Variants in SUPT3H observed in about 807,000 individuals in gnomAD.
The protein encoded by SUPT3H is SPT3 homolog, SAGA and STAGA complex component, also known as transcription initiation protein SPT3 homolog.
A neutral mutation model predicts 44.3 loss-of-function variants in SUPT3H; 44 were observed. The ratio of observed to expected loss-of-function variants is 0.99; its 90% CI spans 0.78 to 1.28. The LOEUF (loss-of-function observed/expected upper bound fraction) is 1.28. Among genes scored for constraint, SUPT3H ranks in the 50% most tolerant of loss-of-function variants. SUPT3H has a pLI of 0.00. For missense variants in SUPT3H, 380 were observed against 387.1 expected (o/e 0.98, Z 0.15); for synonymous variants, 124 against 125.6 (o/e 0.99, Z 0.09).
At position 45,324,898 on chromosome 6, in the gene SUPT3H, C is replaced by A. The variant is rs75040589; in HGVS notation, c.101+40303G>T. 0.013 allele frequency among the ~76,000 whole-genome samples: 2,024 copies of A among 151,910 alleles called. 101 individuals are homozygous for A. The East Asian group carries it at 0.13, about 10-fold the overall frequency. ...ATGCAGTTGTGTACATAAACATATACCCCATTAAACAAGGAAATGGAATAC... is the reference window on the plus strand; with the variant it reads ...ATGCAGTTGTGTACATAAACATATAACCCATTAAACAAGGAAATGGAATAC... On this transcript the variant is annotated intron_variant, in intron 2 of 10. Coordinates refer to ENST00000371459, the MANE Select transcript of SUPT3H (RefSeq NM_003599.4).
chr6:45,346,053 C>T (rs971961449), intron 2 of SUPT3H, among the ~76,000 whole-genome samples: 5 of 152,098 alleles, frequency 3.3e-5, no homozygotes, highest in African/African-American at 4.8e-5. Context: ...AAATCTCAAA[C>T]GACACTATTT....
intron 2 of SUPT3H, among the ~76,000 whole-genome samples, chr6:45,116,206 C>T (rs1287771859): frequency 6.6e-6 from 1 of 152,090 alleles, no homozygotes; most frequent in Non-Finnish European, 1.5e-5. Flanking sequence ...ACTAGTCAGC[C>T]TAGCCTCCCT....
At chr6:45,373,536 A>C (rs1436450388) in intron 1 of SUPT3H, among the ~76,000 whole-genome samples, 1 of 151,962 alleles carries the variant, frequency 6.6e-6, no homozygotes, top group South Asian at 2.1e-4. Flanking sequence ...CTGTGACTTA[A>C]AATATTATTT....
intron 2 of SUPT3H, among the ~76,000 whole-genome samples, chr6:45,114,374 G>GGA (rs1554253468): frequency 6.6e-6 from 1 of 151,804 alleles, no homozygotes; most frequent in African/African-American, 2.4e-5. Context: ...AAAGATGAGA[G>GGA]AAAAAAACTT....
chr6:45,023,838 A>G (rs1350524797), intron 3 of SUPT3H, among the ~76,000 whole-genome samples: 2 of 152,152 alleles, frequency 1.3e-5, no homozygotes, highest in Non-Finnish European at 2.9e-5. Context: ...AATAATCTGT[A>G]TAACAAACCC....
At chr6:45,169,663 T>A (rs1017857494) in intron 2 of SUPT3H, among the ~76,000 whole-genome samples, 3 of 152,166 alleles carry the variant, frequency 2.0e-5, no homozygotes, top group African/African-American at 7.2e-5. Context: ...CTGGAGAAAT[T>A]TGTGGAAAAG....
At chr6:45,227,270 GA>G (rs1341636749) in intron 2 of SUPT3H, among the ~76,000 whole-genome samples, 1 of 151,550 alleles carries the variant, frequency 6.6e-6, no homozygotes, top group African/African-American at 2.4e-5. Context: ...AAATAATTAT[GA>G]AAAATTATTT....
intron 2 of SUPT3H, chr6:45,328,639 TG>T: frequency 6.2e-7 from 1 of 1,610,346 alleles, no homozygotes; most frequent in Non-Finnish European, 8.5e-7. Context: ...AAACAAGGTT[TG>T]GGTATGGTTT....
intron 3 of SUPT3H, among the ~76,000 whole-genome samples, chr6:45,051,584 C>G (rs1190799901): frequency 6.6e-6 from 1 of 151,584 alleles, no homozygotes. Context: ...GTATTAACAA[C>G]TCATTAAAAC....
Position 44,826,915 on chromosome 6 carries a change from C to G in SUPT3H, c.*2901G>C, listed in dbSNP as rs1017280654. Reference sequence around the variant, plus strand: ...TTCTGATGGTTTTCAAATAAAAAGTCTTGGTTTTAAAATTGAAACAGTATT... The same window carrying G: ...TTCTGATGGTTTTCAAATAAAAAGTGTTGGTTTTAAAATTGAAACAGTATT... On this transcript the variant is annotated 3_prime_UTR_variant, in exon 11 of 11. Coordinates refer to ENST00000371459, the MANE Select transcript of SUPT3H (RefSeq NM_003599.4). Among the ~76,000 whole-genome samples the G allele has an allele frequency of 6.6e-6, 1 of 152,106 alleles. No homozygotes were observed. The highest frequency in any genetic ancestry group is 2.1e-4 in the South Asian group (1 of 4,830).
chr6:44,847,006 T>C (rs1197941515), intron 10 of SUPT3H, among the ~76,000 whole-genome samples: 2 of 152,244 alleles, frequency 1.3e-5, no homozygotes, highest in Admixed American at 6.5e-5. Context: ...CGTTTGACTT[T>C]CTTGGCTTTT....
At chr6:45,220,950 A>G (rs1433158158) in intron 2 of SUPT3H, among the ~76,000 whole-genome samples, 1 of 152,266 alleles carries the variant, frequency 6.6e-6, no homozygotes, top group African/African-American at 2.4e-5. Context: ...ACTATTCACA[A>G]TAGCAAAGAC....
At chr6:44,918,702 T>C (rs556240593) in intron 10 of SUPT3H, among the ~76,000 whole-genome samples, 29 of 152,318 alleles carry the variant, frequency 1.9e-4, no homozygotes, top group Admixed American at 7.2e-4. Context: ...AAAGGATATA[T>C]GCTGCAATCA....
chr6:45,331,244 T>C (rs1787449961), intron 2 of SUPT3H, among the ~76,000 whole-genome samples: 1 of 151,986 alleles, frequency 6.6e-6, no homozygotes, highest in African/African-American at 2.4e-5. Flanking sequence ...CTGTCCATCA[T>C]TTATCATAAA....
chr6:45,043,473 C>T (rs922415320), intron 3 of SUPT3H, among the ~76,000 whole-genome samples: 3 of 152,096 alleles, frequency 2.0e-5, no homozygotes, highest in Non-Finnish European at 4.4e-5. Context: ...AGTCCTTTTC[C>T]TCCTCAGGCA....
chr6:45,278,578 C>T (rs545598271), intron 2 of SUPT3H, among the ~76,000 whole-genome samples: 12 of 152,264 alleles, frequency 7.9e-5, no homozygotes, highest in Middle Eastern at 3.4e-3. Flanking sequence ...TGACAACTAG[C>T]GAACTAGCTT....
intron 2 of SUPT3H, among the ~76,000 whole-genome samples, chr6:45,281,165 G>A (rs970517317): frequency 3.3e-5 from 5 of 152,230 alleles, no homozygotes; most frequent in Non-Finnish European, 7.3e-5. Flanking sequence ...CCCAGCATGA[G>A]CAATGCAGAA....
At chr6:44,876,562 G>A (rs900659469) in intron 10 of SUPT3H, among the ~76,000 whole-genome samples, 1 of 147,924 alleles carries the variant, frequency 6.8e-6, no homozygotes, top group East Asian at 2.0e-4. Context: ...TAGATGATAC[G>A]TTAGTGGGTG....
chr6:45,269,799 T>C (rs567932143), intron 2 of SUPT3H, among the ~76,000 whole-genome samples: 3 of 152,162 alleles, frequency 2.0e-5, no homozygotes, highest in Admixed American at 6.5e-5. Flanking sequence ...TACCATAAAA[T>C]CCATCCACTG....
Sources: gnomAD v4.1 joint callset for allele counts (sites outside exome capture counted in the v4.1 genomes callset) on GRCh38, gnomAD v4.1.1 for gene constraint, MANE v1.5 for transcripts, NCBI Gene and HGNC (gene_info 2026-07-23, HGNC 2026-07-21) for gene names.